Variants in RAF1 observed in about 807,000 individuals in gnomAD.
RAF1 encodes the protein Raf-1 proto-oncogene, serine/threonine kinase.
RAF1 carries 27 observed loss-of-function variants against 81.1 expected under a neutral mutation model. That is an observed-to-expected ratio of 0.33 (90% CI 0.25 to 0.46). RAF1 has a LOEUF of 0.46. Ranked by LOEUF, RAF1 falls within the 20% of genes least tolerant of loss-of-function variation. The pLI is 1.00. For missense variants in RAF1, 598 were observed against 826.0 expected (o/e 0.72, Z 3.38); for synonymous variants, 298 against 294.0 (o/e 1.01, Z -0.14).
chr3:12,591,091 A>G (rs1164020616), intron 12 of RAF1, 117 bp from the exon 12 acceptor site: 1 of 939,412 alleles, frequency 1.1e-6, no homozygotes, highest in East Asian at 2.5e-5. Flanking sequence ...TCCCAACACC[A>G]CCCCCAGTCC....
At chr3:12,661,804 AT>A (rs1325136839) in intron 1 of RAF1, among the ~76,000 whole-genome samples, 3 of 152,074 alleles carry the variant, frequency 2.0e-5, no homozygotes, top group Admixed American at 2.0e-4. Context: ...CTTTAAGAGA[AT>A]TTTTTGCAAG....
intron 1 of RAF1, among the ~76,000 whole-genome samples, chr3:12,625,266 G>A (rs1222856012): frequency 6.6e-5 from 10 of 151,682 alleles, no homozygotes. Context: ...TGTTTTTAGT[G>A]GAGATGGGGT....
intron 1 of RAF1, among the ~76,000 whole-genome samples, chr3:12,658,908 C>T (rs1350406496): frequency 6.6e-6 from 1 of 152,082 alleles, no homozygotes; most frequent in Admixed American, 6.6e-5. Context: ...GAAACAACAC[C>T]CACTTGACAT....
chr3:12,650,193 T>G, intron 1 of RAF1, among the ~76,000 whole-genome samples: 1 of 146,202 alleles, frequency 6.8e-6, no homozygotes, highest in African/African-American at 2.5e-5. Flanking sequence ...GGCATGGTAG[T>G]CATGCCTACA....
intron 5 of RAF1, chr3:12,608,473 ATCT>A (rs1449341238): frequency 3.5e-5 from 15 of 426,850 alleles, no homozygotes; most frequent in African/African-American, 1.6e-4. Flanking sequence ...AAAGCAAAAA[ATCT>A]TCTTGTTTTC....
chr3:12,655,496 C>CAAA (rs2060663564), intron 1 of RAF1, among the ~76,000 whole-genome samples: 1 of 152,212 alleles, frequency 6.6e-6, no homozygotes, highest in Non-Finnish European at 1.5e-5. Flanking sequence ...ATGGTGCAGT[C>CAAA]ACTGTGCAAA....
At chr3:12,612,102 C>A (rs1348395596) in intron 2 of RAF1, 40 bp from the exon 3 acceptor site, 5 of 1,514,346 alleles carry the variant, frequency 3.3e-6, no homozygotes, top group Non-Finnish European at 3.7e-6. Flanking sequence ...ACACAGGCTG[C>A]AGCACCCCTT....
rs1432606108 is a variant in RAF1, at chr3:12,608,460, C to T, written c.581+306G>A. 8 of 393,630 alleles carry T rather than the reference C, an allele frequency of 2.0e-5. No individual in the cohort carries two copies. The East Asian group carries it at 2.2e-4, about 11-fold the overall frequency. The allele number at this position is 393,630 out of a possible 1,614,324, so 24.4% of individuals were successfully genotyped here. A position where few individuals can be genotyped will look rare whatever the true frequency, so the allele number is the denominator to read the frequency against. ...CCCCAGTAGATAATACTATTAAGAG[C>T]GAAAAGCAAAAAATCTTCTTGTTTT... On this transcript the variant is annotated intron_variant, in intron 5 of 17. Transcript: ENST00000442415.
At chr3:12,632,051 G>A (rs533809083) in intron 1 of RAF1, among the ~76,000 whole-genome samples, 1 of 152,002 alleles carries the variant, frequency 6.6e-6, no homozygotes, top group East Asian at 1.9e-4. Flanking sequence ...ATTTTGGCAG[G>A]GCACAGTGGC....
At chr3:12,613,324 G>A (rs13073921) in intron 2 of RAF1, among the ~76,000 whole-genome samples, 23,873 of 152,144 alleles carry the variant, frequency 0.16, 2,057 homozygotes, top group Admixed American at 0.22. Context: ...GCAAAACAGA[G>A]ATTTGCAGTG....
At chr3:12,599,852 T>C in intron 10 of RAF1, 44 bp from the exon 10 acceptor site, 6 of 1,458,468 alleles carry the variant, frequency 4.1e-6, no homozygotes, top group Non-Finnish European at 5.8e-6. Context: ...GCAATGGTAA[T>C]AATCTTTTGA....
Position 12,609,219 on chromosome 3 carries a change from G to T in RAF1, c.423+14C>A, listed in dbSNP as rs1004867512. On this transcript the variant is annotated intron_variant, in intron 4 of 17. Transcript: ENST00000442415. The stretch of plus-strand genomic sequence containing the variant: ...CCCTCAACATGCCAGAAAGAGAAGA[G>T]ATCTGCAACTTACAAAGTTGTGTGT... 1 of 1,578,524 alleles carries T rather than the reference G, an allele frequency of 6.3e-7. No individual in the cohort carries two copies. Among genetic ancestry groups the T allele is most frequent in the Non-Finnish European group, 8.7e-7 (1 of 1,147,686 alleles).
chr3:12,632,136 G>A (rs1255685277), intron 1 of RAF1, among the ~76,000 whole-genome samples: 2 of 42,110 alleles, frequency 4.7e-5, no homozygotes, highest in African/African-American at 5.5e-4. Flanking sequence ...GACCAGCCTG[G>A]CCCATGGTGA....
intron 2 of RAF1, among the ~76,000 whole-genome samples, chr3:12,616,297 A>C (rs554301829): frequency 6.6e-6 from 1 of 152,354 alleles, no homozygotes; most frequent in South Asian, 2.1e-4. Context: ...AACTGGTAGC[A>C]GATGGGGATG....
At chr3:12,623,918 G>A (rs567139169) in intron 1 of RAF1, among the ~76,000 whole-genome samples, 64 of 149,820 alleles carry the variant, frequency 4.3e-4, no homozygotes, top group South Asian at 1.5e-3. Flanking sequence ...GCAGTGGCGC[G>A]ATCTTGGCTC....
chr3:12,601,815 G>A (rs1174671988), intron 8 of RAF1, among the ~76,000 whole-genome samples: 1 of 152,140 alleles, frequency 6.6e-6, no homozygotes, highest in Admixed American at 6.5e-5. Context: ...TTCTGACTCT[G>A]GAAAGAAGAA....
At chr3:12,611,365 G>A (rs1436846827) in intron 3 of RAF1, among the ~76,000 whole-genome samples, 1 of 151,948 alleles carries the variant, frequency 6.6e-6, no homozygotes, top group Non-Finnish European at 1.5e-5. Context: ...CTACAGGGCC[G>A]CACCACCATG....
intron 13 of RAF1, chr3:12,589,733 C>G (rs2058440976): frequency 6.6e-6 from 1 of 151,688 alleles, no homozygotes; most frequent in Non-Finnish European, 1.5e-5. Flanking sequence ...CCGCTGCACT[C>G]TAGCATAGGT....
At chr3:12,624,385 T>TA (rs892958351) in intron 1 of RAF1, among the ~76,000 whole-genome samples, 32 of 152,170 alleles carry the variant, frequency 2.1e-4, no homozygotes, top group Admixed American at 4.6e-4. Context: ...AAGCATCTTC[T>TA]AAAAAAATCA....
Sources: allele counts gnomAD v4.1 joint callset (sites outside exome capture counted in the v4.1 genomes callset), GRCh38; gene constraint gnomAD v4.1.1; transcripts MANE v1.5; gene names NCBI Gene and HGNC (gene_info 2026-07-23, HGNC 2026-07-21).